SLC6A11: variants seen among roughly 807,000 people sequenced by gnomAD.
SLC6A11 encodes sodium- and chloride-dependent GABA transporter 3.
In SLC6A11, 25 loss-of-function variants were observed where a neutral mutation model predicts 74.8. That is an observed-to-expected ratio of 0.33 (90% CI 0.24 to 0.47). The LOEUF (loss-of-function observed/expected upper bound fraction) is 0.47, where lower values mean the gene tolerates loss of function less well. SLC6A11 is among the 20% of genes least tolerant of loss of function. The pLI is 1.00. For missense variants in SLC6A11, 574 were observed against 837.0 expected, an observed-to-expected ratio of 0.69 and a Z score of 3.88; for synonymous variants, 330 against 330.2, an observed-to-expected ratio of 1.00 and a Z score of 0.01.
chr3:10,835,069 A>G (rs755052324), intron 4 of SLC6A11, among the ~76,000 whole-genome samples: 2 of 152,162 alleles, frequency 1.3e-5, no homozygotes, highest in African/African-American at 2.4e-5. Context: ...TCTCGCGCCT[A>G]TCCTGGCCAC....
chr3:10,897,275 C>G (rs1343917458), intron 6 of SLC6A11, among the ~76,000 whole-genome samples: 1 of 152,164 alleles, frequency 6.6e-6, no homozygotes, highest in African/African-American at 2.4e-5. Flanking sequence ...CTTCACATTT[C>G]AAAACCAATC....
At chr3:10,900,078 G>A (rs1311769112) in intron 6 of SLC6A11, among the ~76,000 whole-genome samples, 1 of 151,890 alleles carries the variant, frequency 6.6e-6, no homozygotes, top group African/African-American at 2.4e-5. Context: ...GGGGTTGGAT[G>A]TGCATGTCAC....
chr3:10,911,979 T>C (rs1031900070), intron 6 of SLC6A11, 111 bp from the exon 7 acceptor site: 3 of 760,582 alleles, frequency 3.9e-6, no homozygotes, highest in Non-Finnish European at 7.1e-6. Flanking sequence ...TTATCCCTTA[T>C]GGAGTTTTTC....
intron 6 of SLC6A11, among the ~76,000 whole-genome samples, chr3:10,903,357 T>C (rs1055825986): frequency 1.3e-5 from 2 of 152,222 alleles, no homozygotes; most frequent in Non-Finnish European, 2.9e-5. Context: ...TGTACCTTCA[T>C]GGGTAGGCGG....
rs555535286 is a variant in SLC6A11 at position 10,882,779 on chromosome 3, C to T, written c.891+7684C>T. 9.2e-5 allele frequency among the ~76,000 whole-genome samples: 14 copies of T among 152,292 alleles called. No individual in the cohort carries two copies. The East Asian group carries it at 2.7e-3, about 29-fold the overall frequency. On this transcript the variant is annotated intron_variant, in intron 6 of 13. Coordinates refer to ENST00000254488, the MANE Select transcript of SLC6A11 (RefSeq NM_014229.3). ...CGAGGAAATGGGAGTCACTCTGCTG[C>T]CACTGGCCAGATGGTGACCAACAGC...
chr3:10,819,390 GT>G lies in SLC6A11; in HGVS notation c.257-72del, dbSNP rs1694106647. 9.7e-6 allele frequency: 14 copies of G among 1,436,962 alleles called. No individual in the cohort carries two copies. The East Asian group carries it at 3.2e-4, about 33-fold the overall frequency. The allele number at this position is 1,436,962 out of a possible 1,614,324, so 89.0% of individuals were successfully genotyped here. On this transcript the variant is annotated intron_variant, in intron 1 of 13. Coordinates refer to ENST00000254488, the MANE Select transcript of SLC6A11 (RefSeq NM_014229.3). ...ACATCATGTCTGGCCTGTAGTAGAT[GT>G]TTATTAAAGAGTTCTTGAGCCAAGT...
chr3:10,875,106 C>T lies in SLC6A11; in HGVS notation c.891+11C>T, dbSNP rs1210200850. On this transcript the variant is annotated intron_variant, in intron 6 of 13. Coordinates refer to ENST00000254488, the MANE Select transcript of SLC6A11 (RefSeq NM_014229.3). ...CTCTCCGACCCCCAGGTAAGAGTCG[C>T]TTGCTCAATGTGCAGCATCACCCAC... 6.3e-7 allele frequency: 1 copy of T among 1,597,044 alleles called. No homozygotes were observed. Among genetic ancestry groups the T allele is most frequent in the Non-Finnish European group, 8.6e-7 (1 of 1,168,620 alleles).
chr3:10,851,103 G>GC (rs1694570253), intron 5 of SLC6A11, among the ~76,000 whole-genome samples: 1 of 151,936 alleles, frequency 6.6e-6, no homozygotes, highest in African/African-American at 2.4e-5. Context: ...CCCCCACGCT[G>GC]CCCCTACACC....
At chr3:10,889,629 G>A (rs575268416) in intron 6 of SLC6A11, among the ~76,000 whole-genome samples, 3 of 152,320 alleles carry the variant, frequency 2.0e-5, no homozygotes, top group African/African-American at 7.2e-5. Context: ...TTATTTGGGA[G>A]CTTGTCAGAC....
intron 6 of SLC6A11, among the ~76,000 whole-genome samples, chr3:10,897,003 G>A (rs552019170): frequency 2.6e-5 from 4 of 152,292 alleles, no homozygotes; most frequent in East Asian, 3.9e-4. Flanking sequence ...CAGAAGGTGA[G>A]AGGCACATCT....
intron 10 of SLC6A11, among the ~76,000 whole-genome samples, chr3:10,930,617 G>A (rs1349662526): frequency 6.6e-6 from 1 of 152,200 alleles, no homozygotes; most frequent in Non-Finnish European, 1.5e-5. Flanking sequence ...TCTCGTCACA[G>A]TCTTGTCACA....
chr3:10,913,737 A>G (rs1695417310), intron 7 of SLC6A11, among the ~76,000 whole-genome samples: 1 of 152,216 alleles, frequency 6.6e-6, no homozygotes, highest in Non-Finnish European at 1.5e-5. Flanking sequence ...TCAGTCACCC[A>G]GGCTGGACTG....
At chr3:10,919,719 G>A (rs1016945930) in intron 8 of SLC6A11, among the ~76,000 whole-genome samples, 2 of 152,214 alleles carry the variant, frequency 1.3e-5, no homozygotes, top group Non-Finnish European at 2.9e-5. Flanking sequence ...TATGATCAAA[G>A]CTCTCAATCG....
chr3:10,843,661 C>T (rs1373826194), intron 4 of SLC6A11, among the ~76,000 whole-genome samples: 1 of 152,178 alleles, frequency 6.6e-6, no homozygotes, highest in Non-Finnish European at 1.5e-5. Context: ...GACACAGTGG[C>T]AGGTGGTCAC....
chr3:10,853,206 T>G (rs1694598281), intron 5 of SLC6A11, among the ~76,000 whole-genome samples: 1 of 152,190 alleles, frequency 6.6e-6, no homozygotes, highest in Non-Finnish European at 1.5e-5. Flanking sequence ...CCAGCAAGTC[T>G]GGGCAGCTCC....
chr3:10,875,347 A>G (rs1230249698), intron 6 of SLC6A11, among the ~76,000 whole-genome samples: 1 of 152,254 alleles, frequency 6.6e-6, no homozygotes, highest in African/African-American at 2.4e-5. Context: ...AAACGAGGAC[A>G]TTACATAGCC....
At chr3:10,895,555 A>G (rs933043667) in intron 6 of SLC6A11, among the ~76,000 whole-genome samples, 1 of 152,202 alleles carries the variant, frequency 6.6e-6, no homozygotes, top group Non-Finnish European at 1.5e-5. Context: ...CAATGAGAAC[A>G]CATGGACACA....
intron 10 of SLC6A11, among the ~76,000 whole-genome samples, chr3:10,929,758 C>G (rs989319096): frequency 1.3e-5 from 2 of 152,196 alleles, no homozygotes; most frequent in Non-Finnish European, 2.9e-5. Context: ...GAAGAGGCTC[C>G]CATGATGATA....
rs115006091 is a variant in SLC6A11, at chr3:10,923,046, T to G, written c.1121-2958T>G. The stretch of plus-strand genomic sequence containing the variant: ...AGGAGAGATGCTAGAATGTCTTTTA[T>G]TGGAATTGGAAGTATCAATATATTA... On this transcript the variant is annotated intron_variant, in intron 8 of 13. Transcript: ENST00000254488. 6.8e-3 allele frequency among the ~76,000 whole-genome samples: 1,037 copies of G among 152,246 alleles called. 10 individuals are homozygous for G. The highest frequency in any genetic ancestry group is 0.024 in the African/African-American group (978 of 41,556).
Sources: allele counts gnomAD v4.1 joint callset (sites outside exome capture counted in the v4.1 genomes callset), GRCh38; gene constraint gnomAD v4.1.1; transcripts MANE v1.5; gene names NCBI Gene and HGNC (gene_info 2026-07-23, HGNC 2026-07-21).